GABRB1: variants seen among roughly 807,000 people sequenced by gnomAD.
The protein encoded by GABRB1 is gamma-aminobutyric acid type A receptor subunit beta1.
Under a neutral mutation model 51.6 loss-of-function variants are expected in GABRB1, and 17 were observed. That is an observed-to-expected ratio of 0.33 (90% CI 0.23 to 0.49). The LOEUF (loss-of-function observed/expected upper bound fraction) is 0.49, where lower values mean the gene tolerates loss of function less well. GABRB1 is among the 20% of genes least tolerant of loss of function. GABRB1 has a pLI of 0.99. For missense variants in GABRB1, 410 were observed against 600.6 expected (o/e 0.68, Z 3.32); for synonymous variants, 247 against 218.9 (o/e 1.13, Z -1.14).
rs540164831 is a variant in GABRB1 at position 47,361,358 on chromosome 4, G to A, written c.544+41149G>A. Among the ~76,000 whole-genome samples the A allele has an allele frequency of 2.0e-5, 3 of 152,240 alleles. No homozygotes were observed. In the South Asian group the frequency reaches 6.2e-4, roughly 32 times the overall value. ...CATATTCTGGATTTAGTCAGAAATG[G>A]CAACATATGCAAAAGCTTTGTGGCA... On this transcript the variant is annotated intron_variant, in intron 5 of 8. Transcript: ENST00000295454.
chr4:47,160,034 T>C (rs1260811747), intron 3 of GABRB1, among the ~76,000 whole-genome samples: 1 of 152,110 alleles, frequency 6.6e-6, no homozygotes, highest in Non-Finnish European at 1.5e-5. Flanking sequence ...AATGGGCAAT[T>C]TTACCTTGTA....
chr4:47,285,175 A>G (rs1723462316), intron 4 of GABRB1, among the ~76,000 whole-genome samples: 1 of 152,220 alleles, frequency 6.6e-6, no homozygotes, highest in African/African-American at 2.4e-5. Flanking sequence ...TGTACAGCAC[A>G]AGAGTTGTAG....
intron 3 of GABRB1, among the ~76,000 whole-genome samples, chr4:47,129,636 G>A (rs1265298416): frequency 6.6e-6 from 1 of 152,150 alleles, no homozygotes; most frequent in Non-Finnish European, 1.5e-5. Flanking sequence ...ACTATGTGTT[G>A]CAATGGGAGT....
At chr4:47,077,133 T>A (rs956779069) in intron 3 of GABRB1, among the ~76,000 whole-genome samples, 2 of 152,182 alleles carry the variant, frequency 1.3e-5, no homozygotes, top group Non-Finnish European at 2.9e-5. Context: ...TGACAAAAGA[T>A]TTGTTCCACA....
chr4:47,423,978 G>C (rs565255020), intron 8 of GABRB1, among the ~76,000 whole-genome samples: 1 of 152,106 alleles, frequency 6.6e-6, no homozygotes, highest in Non-Finnish European at 1.5e-5. Flanking sequence ...ATAACTCCCT[G>C]AATAAAGTCA....
At chr4:47,292,450 A>G (rs1322652724) in intron 4 of GABRB1, among the ~76,000 whole-genome samples, 1 of 152,264 alleles carries the variant, frequency 6.6e-6, no homozygotes, top group Non-Finnish European at 1.5e-5. Context: ...AATTGAAAAT[A>G]CTTTACTGTT....
At chr4:47,410,207 A>C (rs563038901) in intron 8 of GABRB1, among the ~76,000 whole-genome samples, 3 of 152,286 alleles carry the variant, frequency 2.0e-5, no homozygotes, top group Admixed American at 2.0e-4. Flanking sequence ...TAGACTACGA[A>C]CTCCACAAAT....
chr4:47,182,215 G>C (rs1718981322), intron 4 of GABRB1, among the ~76,000 whole-genome samples: 1 of 151,890 alleles, frequency 6.6e-6, no homozygotes, highest in Non-Finnish European at 1.5e-5. Flanking sequence ...GCTCAGAAAA[G>C]CATGAGAGAA....
rs538346743 is a variant in GABRB1 at position 47,283,472 on chromosome 4, G to A, written c.462-36655G>A. Among the ~76,000 whole-genome samples the A allele has an allele frequency of 6.6e-5, 9 of 136,350 alleles. No homozygotes were observed. In the South Asian group the frequency reaches 1.8e-3, roughly 27 times the overall value. The allele number at this position is 136,350 out of a possible 152,430, so 89.5% of individuals were successfully genotyped here. ...ACGATCTCGGCTCACTGCAAGCTCC[G>A]CCTCCCAGGTTCACCCCATTCTCCT... On this transcript the variant is annotated intron_variant, in intron 4 of 8. Coordinates refer to ENST00000295454, the MANE Select transcript of GABRB1 (RefSeq NM_000812.4).
chr4:47,177,584 T>C (rs1718753104), intron 4 of GABRB1, among the ~76,000 whole-genome samples: 1 of 152,032 alleles, frequency 6.6e-6, no homozygotes, highest in South Asian at 2.1e-4. Context: ...TATTCAAAAA[T>C]GGAACCAATG....
intron 4 of GABRB1, among the ~76,000 whole-genome samples, chr4:47,306,897 T>C (rs1419971860): frequency 6.6e-6 from 1 of 152,192 alleles, no homozygotes; most frequent in African/African-American, 2.4e-5. Flanking sequence ...TTTTGGTGTT[T>C]ACTCATTTTG....
chr4:47,157,777 T>G (rs1717767960), intron 3 of GABRB1, among the ~76,000 whole-genome samples: 1 of 152,104 alleles, frequency 6.6e-6, no homozygotes, highest in African/African-American at 2.4e-5. Context: ...CAAAAAGGTT[T>G]TATTAAGGTT....
At chr4:47,116,867 G>A (rs1715506535) in intron 3 of GABRB1, among the ~76,000 whole-genome samples, 1 of 152,120 alleles carries the variant, frequency 6.6e-6, no homozygotes, top group African/African-American at 2.4e-5. Context: ...CATGGCAGAA[G>A]GGCAAGGGGA....
intron 5 of GABRB1, among the ~76,000 whole-genome samples, chr4:47,366,142 A>C (rs148876329): frequency 6.0e-4 from 91 of 152,296 alleles, no homozygotes; most frequent in African/African-American, 2.1e-3. Context: ...ATTTTGAACA[A>C]TTCCAGGTCT....
intron 3 of GABRB1, among the ~76,000 whole-genome samples, chr4:47,070,369 T>C (rs1165406246): frequency 1.3e-5 from 2 of 150,674 alleles, no homozygotes; most frequent in Admixed American, 6.6e-5. Context: ...TTCACTCTTT[T>C]TGCCCAGGCT....
intron 4 of GABRB1, among the ~76,000 whole-genome samples, chr4:47,240,686 A>T (rs1217674346): frequency 1.3e-5 from 2 of 152,222 alleles, no homozygotes; most frequent in Non-Finnish European, 2.9e-5. Context: ...CTAGGCAAGT[A>T]ATTTAAATTT....
chr4:47,107,781 T>C (rs1715029512), intron 3 of GABRB1, among the ~76,000 whole-genome samples: 1 of 152,086 alleles, frequency 6.6e-6, no homozygotes, highest in African/African-American at 2.4e-5. Flanking sequence ...TTGCTCTTTA[T>C]CAGCAATTCC....
At chr4:47,346,935 G>T (rs1726119036) in intron 5 of GABRB1, among the ~76,000 whole-genome samples, 1 of 152,154 alleles carries the variant, frequency 6.6e-6, no homozygotes, top group Admixed American at 6.6e-5. Flanking sequence ...GTAACATCTT[G>T]TTATTCTTTG....
chr4:47,222,281 T>A (rs1334431008), intron 4 of GABRB1, among the ~76,000 whole-genome samples: 1 of 152,102 alleles, frequency 6.6e-6, no homozygotes, highest in Non-Finnish European at 1.5e-5. Context: ...TTAGTAAATA[T>A]GGAATCAACA....
Sources: allele counts gnomAD v4.1 joint callset (sites outside exome capture counted in the v4.1 genomes callset), GRCh38; gene constraint gnomAD v4.1.1; transcripts MANE v1.5; gene names NCBI Gene and HGNC (gene_info 2026-07-23, HGNC 2026-07-21).